MEMO1: variants seen among roughly 807,000 people sequenced by gnomAD.
MEMO1 encodes the protein protein MEMO1.
Under a neutral mutation model 45.2 loss-of-function variants are expected in MEMO1, and 6 were observed. The ratio of observed to expected loss-of-function variants is 0.13; its 90% CI spans 0.07 to 0.26. The LOEUF is 0.26. MEMO1 is among the 10% of genes least tolerant of loss of function. The pLI, the probability that MEMO1 is intolerant of heterozygous loss-of-function variation, is 1.00. For missense variants in MEMO1, 184 were observed against 370.5 expected (o/e 0.50, Z 4.13); for synonymous variants, 78 against 124.3 (o/e 0.63, Z 2.48).
At chr2:31,945,686 C>T (rs1017016235) in intron 2 of MEMO1, among the ~76,000 whole-genome samples, 9 of 152,120 alleles carry the variant, frequency 5.9e-5, no homozygotes, top group South Asian at 4.1e-4. Context: ...TCAAGAGAGA[C>T]GGCACCCTTA....
intron 2 of MEMO1, among the ~76,000 whole-genome samples, chr2:31,967,159 T>A (rs1478285444): frequency 6.6e-6 from 1 of 151,148 alleles, no homozygotes; most frequent in African/African-American, 2.4e-5. Context: ...AGTCTCGCTT[T>A]GTTGCCCAGG....
At chr2:32,003,945 G>A (rs1037420854) in intron 2 of MEMO1, among the ~76,000 whole-genome samples, 1 of 152,098 alleles carries the variant, frequency 6.6e-6, no homozygotes, top group Non-Finnish European at 1.5e-5. Flanking sequence ...TAGCTACTCA[G>A]GAAGCTGAGA....
intron 2 of MEMO1, among the ~76,000 whole-genome samples, chr2:31,981,675 A>G (rs992043899): frequency 6.6e-6 from 1 of 152,244 alleles, no homozygotes; most frequent in African/African-American, 2.4e-5. Context: ...GAAAGTTCCC[A>G]AAAATTCAAG....
intron 2 of MEMO1, among the ~76,000 whole-genome samples, chr2:31,968,540 CCT>C (rs1668900368): frequency 6.6e-6 from 1 of 152,156 alleles, no homozygotes; most frequent in African/African-American, 2.4e-5. Flanking sequence ...TAATGTGCAG[CCT>C]CTGTTCTGTT....
chr2:31,877,905 G>T (rs1420047858), intron 8 of MEMO1, among the ~76,000 whole-genome samples: 1 of 152,118 alleles, frequency 6.6e-6, no homozygotes, highest in East Asian at 1.9e-4. Context: ...TTATTCATTT[G>T]AAAAATATGT....
At chr2:31,925,951 T>C (rs566582072) in intron 4 of MEMO1, among the ~76,000 whole-genome samples, 4 of 152,222 alleles carry the variant, frequency 2.6e-5, no homozygotes, top group African/African-American at 9.7e-5. Flanking sequence ...AAAGCAGTTG[T>C]GTAGTTTTGA....
intron 2 of MEMO1, 118 bp downstream of exon 2, chr2:32,010,069 C>A: frequency 2.9e-6 from 1 of 348,060 alleles, no homozygotes; most frequent in Non-Finnish European, 4.0e-6. Context: ...GCCCGGCGGC[C>A]CGTCCGCGCC....
At chr2:32,003,108 G>C (rs1236470291) in intron 2 of MEMO1, among the ~76,000 whole-genome samples, 1 of 151,842 alleles carries the variant, frequency 6.6e-6, no homozygotes, top group Non-Finnish European at 1.5e-5. Context: ...GTATTATTTT[G>C]ACACTCTATC....
chr2:31,907,538 T>C (rs1679941944), intron 6 of MEMO1, among the ~76,000 whole-genome samples: 1 of 152,132 alleles, frequency 6.6e-6, no homozygotes, highest in Non-Finnish European at 1.5e-5. Context: ...CTCACACCTG[T>C]AATCCCAGCA....
chr2:32,009,771 G>A (rs1241104512), intron 2 of MEMO1, among the ~76,000 whole-genome samples: 1 of 152,160 alleles, frequency 6.6e-6, no homozygotes, highest in Non-Finnish European at 1.5e-5. Context: ...GTGGAGAAGC[G>A]GGGCTCGGCG....
At chr2:31,892,486 G>A (rs188291884) in intron 6 of MEMO1, among the ~76,000 whole-genome samples, 2 of 152,106 alleles carry the variant, frequency 1.3e-5, no homozygotes, top group Admixed American at 1.3e-4. Flanking sequence ...ACTTATCAAG[G>A]CTACAGTCAT....
Position 31,926,860 on chromosome 2 carries a change from A to G in MEMO1, c.212+5207T>C, listed in dbSNP as rs182046980. Among the ~76,000 whole-genome samples the G allele has an allele frequency of 1.6e-3, 241 of 151,066 alleles. 1 individual carries two copies. The highest frequency in any genetic ancestry group is 5.4e-3 in the African/African-American group (224 of 41,320). On this transcript the variant is annotated intron_variant, in intron 4 of 9. Transcript: ENST00000404530. ...AAACTCTGCCTCAAAAAAAAAAGAA[A>G]AATAAACAAAACAAAACAAAACAAA... is the stretch of plus-strand genomic sequence containing the variant.
chr2:31,912,666 A>T (rs1272807950), intron 6 of MEMO1, among the ~76,000 whole-genome samples: 1 of 152,118 alleles, frequency 6.6e-6, no homozygotes, highest in Non-Finnish European at 1.5e-5. Context: ...ATAAGATATG[A>T]TCTCTTGTTT....
intron 6 of MEMO1, among the ~76,000 whole-genome samples, chr2:31,913,416 G>T (rs1053157391): frequency 6.6e-6 from 1 of 151,484 alleles, no homozygotes; most frequent in African/African-American, 2.4e-5. Flanking sequence ...GAAAGTCTCA[G>T]GTATAGCCTA....
At position 31,882,143 on chromosome 2, in the gene MEMO1, C is replaced by CTAAATAAA. The variant is rs547005443; in HGVS notation, c.657+1235_657+1242dup. 1.4e-4 allele frequency among the ~76,000 whole-genome samples: 21 copies of CTAAATAAA among 151,454 alleles called. 1 individual carries two copies. Among genetic ancestry groups the CTAAATAAA allele is most frequent in the Middle Eastern group, 3.4e-3 (1 of 294 alleles). On this transcript the variant is annotated intron_variant, in intron 8 of 9. Transcript: ENST00000404530. Reference sequence around the variant, plus strand: ...TGGGCCACAGAGTGAGACCTTCTCTCTAAATAAATAAATAAATAAATAAAT... The same window carrying CTAAATAAA: ...TGGGCCACAGAGTGAGACCTTCTCTCTAAATAAATAAATAAATAAATAAATAAATAAAT...
At chr2:31,907,725 G>T (rs1243364898) in intron 6 of MEMO1, among the ~76,000 whole-genome samples, 1 of 151,616 alleles carries the variant, frequency 6.6e-6, no homozygotes, top group Non-Finnish European at 1.5e-5. Flanking sequence ...CACGGGAGGT[G>T]GAAGTTGTGG....
intron 6 of MEMO1, chr2:31,893,313 A>C: frequency 8.3e-7 from 1 of 1,200,782 alleles, no homozygotes; most frequent in Non-Finnish European, 1.1e-6. Context: ...TCTTGGGCAG[A>C]ATCTGCATCT....
intron 2 of MEMO1, among the ~76,000 whole-genome samples, chr2:31,977,437 AAAC>A (rs1414614111): frequency 1.1e-4 from 16 of 152,198 alleles, no homozygotes; most frequent in Non-Finnish European, 1.9e-4. Flanking sequence ...GACCGCAGGA[AAAC>A]AACATCTTTA....
At chr2:31,900,667 C>G (rs1678650511) in intron 6 of MEMO1, among the ~76,000 whole-genome samples, 1 of 151,134 alleles carries the variant, frequency 6.6e-6, no homozygotes, top group East Asian at 1.9e-4. Flanking sequence ...TATCCCAGAA[C>G]TTAAAGTACA....
Sources: gnomAD v4.1 joint callset for allele counts (sites outside exome capture counted in the v4.1 genomes callset) on GRCh38, gnomAD v4.1.1 for gene constraint, MANE v1.5 for transcripts, NCBI Gene and HGNC (gene_info 2026-07-23, HGNC 2026-07-21) for gene names.